The following ATAD2B variants were observed in gnomAD, a reference collection of about 807,000 sequenced individuals.
ATAD2B encodes the protein ATPase family AAA domain-containing protein 2B.
A neutral mutation model predicts 167.6 loss-of-function variants in ATAD2B; 40 were observed. The observed-to-expected ratio is 0.24, with a 90% CI of 0.19 to 0.31. ATAD2B has a LOEUF of 0.31. Ranked by LOEUF, ATAD2B falls within the 10% of genes least tolerant of loss-of-function variation. The pLI, the probability that ATAD2B is intolerant of heterozygous loss-of-function variation, is 1.00. For synonymous variants in ATAD2B, 579 were observed against 596.5 expected, an observed-to-expected ratio of 0.97 and a Z score of 0.43; for missense variants, 1,242 against 1,757.2, an observed-to-expected ratio of 0.71 and a Z score of 5.24.
intron 19 of ATAD2B, among the ~76,000 whole-genome samples, chr2:23,793,327 T>C (rs1009587025): frequency 6.6e-6 from 1 of 152,228 alleles, no homozygotes; most frequent in African/African-American, 2.4e-5. Context: ...ACAAAGCAGA[T>C]ACTGTGAATG....
chr2:23,818,346 C>T (rs1390438856), intron 17 of ATAD2B, among the ~76,000 whole-genome samples: 1 of 109,470 alleles, frequency 9.1e-6, no homozygotes, highest in Non-Finnish European at 1.8e-5. Context: ...GACGCACAGG[C>T]TAGCCAGGTG....
At chr2:23,881,545 T>C (rs1318136381) in intron 6 of ATAD2B, among the ~76,000 whole-genome samples, 4 of 150,794 alleles carry the variant, frequency 2.7e-5, no homozygotes, top group African/African-American at 9.8e-5. Flanking sequence ...GTATTTTTAG[T>C]AGAGATGGGG....
At chr2:23,810,250 C>A in intron 18 of ATAD2B, 66 bp downstream of exon 18, 3 of 1,411,440 alleles carry the variant, frequency 2.1e-6, no homozygotes, top group Non-Finnish European at 2.9e-6. Context: ...ACACTACACA[C>A]TAGAAATACT....
chr2:23,885,953 TTG>T, intron 4 of ATAD2B, 124 bp from the exon 5 acceptor site: 1 of 598,940 alleles, frequency 1.7e-6, no homozygotes, highest in South Asian at 2.2e-5. Context: ...TTTTTCTTTT[TTG>T]TTTTTTTTAG....
chr2:23,723,659 A>G, the ATAD2B span, among the ~76,000 whole-genome samples: 1 of 152,228 alleles, frequency 6.6e-6, no homozygotes, highest in East Asian at 1.9e-4. Flanking sequence ...CTTACACACC[A>G]TTGGTGGGAA....
At chr2:23,732,414 G>A in the ATAD2B span, among the ~76,000 whole-genome samples, 1 of 152,172 alleles carries the variant, frequency 6.6e-6, no homozygotes, top group East Asian at 1.9e-4. Flanking sequence ...ATGTTAGGAT[G>A]GTGGTTACAT....
intron 17 of ATAD2B, among the ~76,000 whole-genome samples, chr2:23,812,678 C>A (rs1038392151): frequency 6.6e-6 from 1 of 151,926 alleles, no homozygotes; most frequent in Admixed American, 6.6e-5. Flanking sequence ...CTGGCTAACA[C>A]GGTGAAACCC....
the ATAD2B span, among the ~76,000 whole-genome samples, chr2:23,694,591 C>T: frequency 3.3e-5 from 5 of 152,190 alleles, no homozygotes; most frequent in Non-Finnish European, 5.9e-5. Context: ...GCTGGCCTCC[C>T]CAGCCTCTCT....
intron 1 of ATAD2B, among the ~76,000 whole-genome samples, chr2:23,898,553 A>T (rs1017000700): frequency 1.1e-4 from 16 of 152,312 alleles, no homozygotes; most frequent in Admixed American, 1.0e-3. Flanking sequence ...GCTATAACTC[A>T]ACCACCTTGG....
At chr2:23,920,923 G>C (rs1703818249) in intron 1 of ATAD2B, among the ~76,000 whole-genome samples, 1 of 151,896 alleles carries the variant, frequency 6.6e-6, no homozygotes, top group African/African-American at 2.4e-5. Context: ...AATCCACTTG[G>C]GCCGGATGTG....
chr2:23,815,003 CT>C (rs1363822067), intron 17 of ATAD2B, among the ~76,000 whole-genome samples: 3 of 148,870 alleles, frequency 2.0e-5, no homozygotes, highest in Non-Finnish European at 3.0e-5. Context: ...TTGCAGTGAG[CT>C]GAGATCACAC....
chr2:23,833,350 T>G (rs1431783210), intron 14 of ATAD2B, among the ~76,000 whole-genome samples: 1 of 149,946 alleles, frequency 6.7e-6, no homozygotes, highest in East Asian at 2.0e-4. Flanking sequence ...ATTATACTAG[T>G]CAAACCAAGA....
In ATAD2B at chr2:23,757,764, C is replaced by A. The variant is rs747668770; in HGVS notation, c.3732G>T (p.Leu1244=). The stretch of plus-strand genomic sequence containing the variant: ...GGTTTAAGGAACTGCTGCTGTTGAC[C>A]AGTAGAGATTCATTTGAACTTTCCT... ...TEEESSNESL[L]VNSSSSLNPE... is the part of the protein sequence containing the mutation. Residue 1244 remains leucine, a synonymous_variant, in exon 25 of 28, where the codon CTG becomes CTT. Transcript: ENST00000238789. The A allele has an allele frequency of 4.0e-5, 63 of 1,592,172 alleles. No individual in the cohort carries two copies. Among genetic ancestry groups the A allele is most frequent in the Non-Finnish European group, 5.2e-5 (61 of 1,172,668 alleles).
intron 13 of ATAD2B, among the ~76,000 whole-genome samples, chr2:23,840,909 T>C (rs1229497103): frequency 6.6e-6 from 1 of 152,118 alleles, no homozygotes; most frequent in East Asian, 1.9e-4. Flanking sequence ...ATTGCAGATT[T>C]TAAATTGTTA....
chr2:23,678,909 G>A, the ATAD2B span, among the ~76,000 whole-genome samples: 1 of 152,166 alleles, frequency 6.6e-6, no homozygotes. Flanking sequence ...GATGAGTGGA[G>A]GGGAGGTGGG....
the ATAD2B span, among the ~76,000 whole-genome samples, chr2:23,715,624 T>C: frequency 1.3e-5 from 2 of 152,156 alleles, no homozygotes; most frequent in African/African-American, 4.8e-5. Context: ...ATATTTGTAT[T>C]TAGATTAACA....
At chr2:23,771,815 C>T (rs1194443196) in intron 22 of ATAD2B, among the ~76,000 whole-genome samples, 1 of 152,136 alleles carries the variant, frequency 6.6e-6, no homozygotes, top group Non-Finnish European at 1.5e-5. Context: ...TATGCACTAA[C>T]CAGTACTTAG....
chr2:23,824,343 T>A (rs1687919828), intron 15 of ATAD2B, among the ~76,000 whole-genome samples: 1 of 152,240 alleles, frequency 6.6e-6, no homozygotes. Context: ...TCCTAATCAT[T>A]AGGTTAGTCC....
intron 1 of ATAD2B, among the ~76,000 whole-genome samples, chr2:23,908,741 T>C (rs1158590120): frequency 6.6e-6 from 1 of 152,040 alleles, no homozygotes; most frequent in Non-Finnish European, 1.5e-5. Flanking sequence ...CCAACCCAAA[T>C]GTCCAACAAT....
Sources: allele counts gnomAD v4.1 joint callset (sites outside exome capture counted in the v4.1 genomes callset), GRCh38; gene constraint gnomAD v4.1.1; transcripts MANE v1.5; gene names NCBI Gene and HGNC (gene_info 2026-07-23, HGNC 2026-07-21).